Variants in AFF3 observed in about 807,000 individuals in gnomAD.
The protein encoded by AFF3 is ALF transcription elongation factor 3, also known as AF4/FMR2 family member 3.
In AFF3, 32 loss-of-function variants were observed where a neutral mutation model predicts 129.7. The ratio of observed to expected loss-of-function variants is 0.25; its 90% CI spans 0.19 to 0.33. The LOEUF (loss-of-function observed/expected upper bound fraction) is 0.33, where lower values mean the gene tolerates loss of function less well. Among genes scored for constraint, AFF3 ranks in the 10% least tolerant of loss-of-function variants. AFF3 has a pLI of 1.00. For missense variants in AFF3, 1,373 were observed against 1,592.0 expected, an observed-to-expected ratio of 0.86 and a Z score of 2.34; for synonymous variants, 644 against 635.4, an observed-to-expected ratio of 1.01 and a Z score of -0.20.
chr2:99,959,069 T>C (rs1254383902), intron 7 of AFF3, among the ~76,000 whole-genome samples: 1 of 151,738 alleles, frequency 6.6e-6, no homozygotes, highest in Non-Finnish European at 1.5e-5. Flanking sequence ...TGCACTCCAG[T>C]CTCGGCGACA....
intron 7 of AFF3, among the ~76,000 whole-genome samples, chr2:99,927,508 A>G (rs1161062028): frequency 2.0e-5 from 3 of 152,162 alleles, no homozygotes; most frequent in Non-Finnish European, 4.4e-5. Flanking sequence ...GTTCTAACTT[A>G]TAAGTGGGAG....
chr2:100,087,195 A>T (rs886087211), intron 4 of AFF3, among the ~76,000 whole-genome samples: 6 of 152,202 alleles, frequency 3.9e-5, no homozygotes, highest in Non-Finnish European at 8.8e-5. Context: ...CAACTGTGAT[A>T]CTGTTTCAGA....
At chr2:99,842,741 G>A (rs568413739) in intron 7 of AFF3, among the ~76,000 whole-genome samples, 2 of 151,908 alleles carry the variant, frequency 1.3e-5, no homozygotes, top group Non-Finnish European at 2.9e-5. Context: ...AGTGTAGCTC[G>A]GGGAATAGCC....
intron 12 of AFF3, among the ~76,000 whole-genome samples, chr2:99,670,470 T>A (rs1173115355): frequency 6.6e-6 from 1 of 152,136 alleles, no homozygotes; most frequent in Non-Finnish European, 1.5e-5. Context: ...TCTGATTACA[T>A]CTAGAAAAAT....
intron 16 of AFF3, among the ~76,000 whole-genome samples, chr2:99,584,447 C>A (rs7605228): frequency 0.028 from 4,201 of 151,966 alleles, 184 homozygotes; most frequent in African/African-American, 0.096. Flanking sequence ...CCAGCATGGG[C>A]GACAGAATAA....
At chr2:99,867,559 G>A (rs1425418001) in intron 7 of AFF3, among the ~76,000 whole-genome samples, 1 of 129,486 alleles carries the variant, frequency 7.7e-6, no homozygotes, top group Non-Finnish European at 1.6e-5. Context: ...GTCTCCCCAA[G>A]GCCTATATTT....
chr2:100,081,092 G>A (rs908786448), intron 4 of AFF3, among the ~76,000 whole-genome samples: 14 of 151,948 alleles, frequency 9.2e-5, no homozygotes, highest in African/African-American at 2.7e-4. Context: ...CAGTCCACAA[G>A]TGGAATCAGG....
chr2:99,891,884 A>G (rs1323928009), intron 7 of AFF3, among the ~76,000 whole-genome samples: 2 of 151,386 alleles, frequency 1.3e-5, no homozygotes, highest in Admixed American at 6.6e-5. Flanking sequence ...GTGCACTGGC[A>G]TGATCTCAGC....
chr2:99,593,566 AGGCAGCCAC>A lies in AFF3; in HGVS notation c.2086_2094del (p.Val696_Ala698del). The stretch of plus-strand genomic sequence containing the variant: ...CTCTGATCATTCCCGGAGGAGGCAG[AGGCAGCCAC>A]GGTCTGTGCTTTGGACAGAGGGTAC... On this transcript the variant is annotated inframe_deletion, in exon 15 of 25. Coordinates refer to ENST00000672756, the MANE Select transcript of AFF3 (RefSeq NM_001386135.1). 1 of 1,613,172 alleles carries A rather than the reference AGGCAGCCAC, an allele frequency of 6.2e-7. No homozygotes were observed. The highest frequency in any genetic ancestry group is 8.5e-7 in the Non-Finnish European group (1 of 1,179,920).
At chr2:99,931,061 C>T (rs759326403) in intron 7 of AFF3, among the ~76,000 whole-genome samples, 6 of 152,252 alleles carry the variant, frequency 3.9e-5, no homozygotes, top group East Asian at 1.9e-4. Context: ...ATCTTGTAGA[C>T]GGTTCATAGG....
intron 14 of AFF3, among the ~76,000 whole-genome samples, chr2:99,600,105 T>C (rs1422952894): frequency 6.6e-6 from 1 of 152,200 alleles, no homozygotes; most frequent in Non-Finnish European, 1.5e-5. Context: ...CATAGGTTAA[T>C]GTTGCTAAGA....
chr2:99,804,517 A>G (rs978192369), intron 8 of AFF3, among the ~76,000 whole-genome samples: 7 of 152,210 alleles, frequency 4.6e-5, no homozygotes, highest in Non-Finnish European at 8.8e-5. Context: ...CTGTATGGAA[A>G]ACAGTATGGT....
intron 7 of AFF3, among the ~76,000 whole-genome samples, chr2:99,853,269 A>G (rs1389764544): frequency 1.3e-5 from 2 of 152,146 alleles, no homozygotes; most frequent in African/African-American, 4.8e-5. Context: ...CTTCAACCCA[A>G]TGGTTTCTAA....
At chr2:99,568,714 T>C (rs1390502339) in intron 19 of AFF3, 138 bp downstream of exon 19, 8 of 797,802 alleles carry the variant, frequency 1.0e-5, no homozygotes, top group African/African-American at 8.6e-5. Flanking sequence ...CATTTGATTA[T>C]ATAAACATTT....
chr2:99,813,032 TC>T (rs968607372), intron 8 of AFF3, among the ~76,000 whole-genome samples: 1 of 151,068 alleles, frequency 6.6e-6, no homozygotes, highest in African/African-American at 2.4e-5. Context: ...GGGCTTGACC[TC>T]CAAAAAAAAA....
intron 7 of AFF3, among the ~76,000 whole-genome samples, chr2:99,954,422 C>T (rs896019599): frequency 6.6e-6 from 1 of 152,096 alleles, no homozygotes; most frequent in South Asian, 2.1e-4. Context: ...TGGGTATATA[C>T]CCAAAGGACT....
intron 4 of AFF3, among the ~76,000 whole-genome samples, chr2:100,040,301 A>G (rs145920315): frequency 4.6e-5 from 7 of 152,294 alleles, no homozygotes; most frequent in African/African-American, 1.4e-4. Flanking sequence ...GTCCCTATAC[A>G]GTGTTCCACC....
intron 2 of AFF3, chr2:100,106,921 C>T: frequency 1.0e-6 from 1 of 985,424 alleles, no homozygotes; most frequent in East Asian, 1.1e-4. Context: ...GGGGTTTACT[C>T]ATGAAAGGCC....
chr2:99,719,233 A>G (rs1234749633), intron 11 of AFF3, among the ~76,000 whole-genome samples: 2 of 151,808 alleles, frequency 1.3e-5, no homozygotes, highest in Non-Finnish European at 2.9e-5. Context: ...TTCTATTCAT[A>G]TAGTGGAATA....
Sources: allele counts gnomAD v4.1 joint callset (sites outside exome capture counted in the v4.1 genomes callset), GRCh38; gene constraint gnomAD v4.1.1; transcripts MANE v1.5; gene names NCBI Gene and HGNC (gene_info 2026-07-23, HGNC 2026-07-21).